The following NKTR variants were observed in gnomAD, a reference collection of about 807,000 sequenced individuals.
NKTR encodes the protein NK-tumor recognition protein.
In NKTR, 67 loss-of-function variants were observed where a neutral mutation model predicts 156.3. The ratio of observed to expected loss-of-function variants is 0.43; its 90% CI spans 0.35 to 0.53. The LOEUF is 0.53. Ranked by LOEUF, NKTR falls within the 20% of genes least tolerant of loss-of-function variation. NKTR has a pLI of 0.01. For synonymous variants in NKTR, 640 were observed against 596.6 expected, an observed-to-expected ratio of 1.07 and a Z score of -1.06; for missense variants, 1,604 against 1,730.9, an observed-to-expected ratio of 0.93 and a Z score of 1.30.
Position 42,639,486 on chromosome 3 carries a change from G to T in NKTR, c.3782G>T (p.Gly1261Val). ...ACTGTGCCTGAAATGAAACCACAAG[G>T]CTTGAGAATAGAAATTAAAAGCAAA... The part of the protein sequence containing the change: ...LTTVPEMKPQ[G>V]LRIEIKSKNK... Residue 1261 changes from glycine (G) to valine (V), a missense_variant, in exon 13 of 17, where the codon GGC becomes GTC. This residue lies in a region of NKTR where 18 missense variants were observed against 41.9 expected (regional missense o/e 0.43). Transcript: ENST00000232978. 1 of 1,614,192 alleles carries T rather than the reference G, an allele frequency of 6.2e-7. No homozygotes were observed. The highest frequency in any genetic ancestry group is 8.5e-7 in the Non-Finnish European group (1 of 1,180,026).
intron 13 of NKTR, 87 bp downstream of exon 13, chr3:42,639,837 A>G: frequency 1.1e-6 from 1 of 925,152 alleles, no homozygotes. Context: ...GGACAGAATC[A>G]CTATTTCCAA....
At chr3:42,604,145 T>G (rs1353247981) in intron 2 of NKTR, among the ~76,000 whole-genome samples, 1 of 152,224 alleles carries the variant, frequency 6.6e-6, no homozygotes, top group East Asian at 1.9e-4. Flanking sequence ...TGTAGTGGTG[T>G]CTCTTTTCAT....
chr3:42,606,890 T>C (rs1706290624), intron 2 of NKTR, among the ~76,000 whole-genome samples: 1 of 151,926 alleles, frequency 6.6e-6, no homozygotes, highest in South Asian at 2.1e-4. Flanking sequence ...AGACAGAGTA[T>C]CACTGCGTTG....
chr3:42,637,101 A>G lies in NKTR; in HGVS notation c.1397A>G (p.Glu466Gly), dbSNP rs1243987615. ...AGGATTCTTATACCGTCTGACATAG[A>G]ATCCTCAAAATCTTCCACTCGAAGA... ...KRRILIPSDI[E>G]SSKSSTRRMK... Residue 466 changes from glutamate to glycine, a missense_variant, in exon 13 of 17, where the codon GAA (glutamate) becomes GGA (glycine). Transcript: ENST00000232978. 6.2e-7 allele frequency: 1 copy of G among 1,606,944 alleles called. No individual in the cohort carries two copies. Among genetic ancestry groups the G allele is most frequent in the South Asian group, 1.1e-5 (1 of 89,652 alleles).
Position 42,646,266 on chromosome 3 carries a change from T to C in NKTR, c.*291T>C. 3.4e-6 allele frequency: 1 copy of C among 297,526 alleles called. No individual in the cohort carries two copies. The highest frequency in any genetic ancestry group is 4.2e-5 in the South Asian group (1 of 23,612). The allele number at this position is 297,526 out of a possible 1,614,324, so 18.4% of individuals were successfully genotyped here. On this transcript the variant is annotated 3_prime_UTR_variant, in exon 17 of 17. Coordinates refer to ENST00000232978, the MANE Select transcript of NKTR (RefSeq NM_005385.4). ...CTATGTATAATTTGCAATATTATTT[T>C]AAGTCTATTTCACTCTATCTTACGT... is the stretch of plus-strand genomic sequence containing the variant.
At chr3:42,622,197 C>T (rs951996893) in intron 6 of NKTR, among the ~76,000 whole-genome samples, 1 of 152,004 alleles carries the variant, frequency 6.6e-6, no homozygotes, top group Non-Finnish European at 1.5e-5. Context: ...CATTGCACAA[C>T]CAAAAACTTA....
At position 42,639,162 on chromosome 3, in the gene NKTR, T is replaced by G. The variant is rs754731447; in HGVS notation, c.3458T>G (p.Leu1153Arg). 3 of 1,614,070 alleles carry G rather than the reference T, an allele frequency of 1.9e-6. No homozygotes were observed. The African/African-American group carries it at 4.0e-5, about 22-fold the overall frequency. The change falls in exon 13 of 17, where the codon CTT becomes CGT. Residue 1153 changes from leucine to arginine, a missense_variant. Around this residue, in one of 6 missense-constraint regions of NKTR, gnomAD observed 1,255 missense variants for 1,243.7 expected, o/e 1.01. Transcript: ENST00000232978. Reference sequence around the variant, plus strand: ...ACTTCCCCTCTAGGAAATGCACGGCTTGATACCCCAGATATAAACATTGTT... The same window carrying G: ...ACTTCCCCTCTAGGAAATGCACGGCGTGATACCCCAGATATAAACATTGTT... ...EETSPLGNAR[L>R]DTPDINIVLK... is the part of the protein sequence containing the mutation.
At chr3:42,629,165 T>C in intron 6 of NKTR, 1 of 984,606 alleles carries the variant, frequency 1.0e-6, no homozygotes, top group Non-Finnish European at 1.2e-6. Context: ...TTCTGGATGC[T>C]AGTTTAATGA....
rs376762349 is a variant in NKTR at position 42,647,267 on chromosome 3, A to ATGTGTGT, written c.*1292_*1293insTGTGTGT. 2 of 102,974 alleles carry ATGTGTGT rather than the reference A, an allele frequency of 1.9e-5. No individual in the cohort carries two copies. Among genetic ancestry groups the ATGTGTGT allele is most frequent in the Admixed American group, 9.9e-5 (1 of 10,130 alleles). 6.4% of individuals were successfully genotyped at this position (102,974 alleles called of 1,614,324 possible). ...AAAAATAATTGGACCTGTAAAAACT[A>ATGTGTGT]GTGTGTGTGTGTGTGTGTGTGTGTG... is the stretch of plus-strand genomic sequence containing the variant. On this transcript the variant is annotated 3_prime_UTR_variant, in exon 17 of 17. Transcript: ENST00000232978.
chr3:42,630,677 TG>T, intron 7 of NKTR, 102 bp downstream of exon 7: 6 of 1,547,924 alleles, frequency 3.9e-6, no homozygotes, highest in Non-Finnish European at 5.2e-6. Context: ...TCTTGATGTC[TG>T]GCTTAATCTC....
chr3:42,632,670 C>A lies in NKTR; in HGVS notation c.620C>A (p.Ser207Tyr), dbSNP rs138825835. 89 of 1,613,834 alleles carry A rather than the reference C, an allele frequency of 5.5e-5. No individual in the cohort carries two copies. The highest frequency in any genetic ancestry group is 7.4e-5 in the Non-Finnish European group (87 of 1,179,892). Residue 207 changes from serine (S) to tyrosine (Y), a missense_variant, in exon 9 of 17, where the codon TCT (serine) becomes TAT (tyrosine). Ser to Tyr is a moderately radical substitution (Grantham distance 144). Transcript: ENST00000232978. ...GATTCCTCTTCCAATTCCTCCTCTT[C>A]TTCAGAATCATCTTCAGAAAGTGAA... is the stretch of plus-strand genomic sequence containing the variant. ...GSDSSSNSSSSSESSSESELE... is the reference protein window; with the variant it reads ...GSDSSSNSSSYSESSSESELE...
chr3:42,619,282 T>C, intron 4 of NKTR, 155 bp downstream of exon 4: 2 of 1,432,792 alleles, frequency 1.4e-6, no homozygotes, highest in South Asian at 3.2e-5. Flanking sequence ...AGGTCCAGAA[T>C]GTATGAAAAA....
In NKTR at chr3:42,605,229, C is replaced by G. The variant is rs148728660; in HGVS notation, c.58+4165C>G. Among the ~76,000 whole-genome samples, 35 of 152,254 alleles carry G rather than the reference C, an allele frequency of 2.3e-4. No homozygotes were observed. The East Asian group carries it at 6.6e-3, about 28-fold the overall frequency. ...TCATTTTCAATCCTTTTACTTTTAACCTTTCTGTATAATATTTAAAGTGGA... is the reference window on the plus strand; with the variant it reads ...TCATTTTCAATCCTTTTACTTTTAAGCTTTCTGTATAATATTTAAAGTGGA... On this transcript the variant is annotated intron_variant, in intron 2 of 16. Transcript: ENST00000232978.
chr3:42,601,897 T>A (rs1705521936), intron 2 of NKTR: 1 of 152,232 alleles, frequency 6.6e-6, no homozygotes, highest in Non-Finnish European at 1.5e-5. Context: ...CAAAGGCCTC[T>A]TCCTTTTATA....
chr3:42,637,671 A>T lies in NKTR; in HGVS notation c.1967A>T (p.Lys656Ile), dbSNP rs1045292200. 9.9e-6 allele frequency: 16 copies of T among 1,613,488 alleles called. No individual in the cohort carries two copies. The highest frequency in any genetic ancestry group is 1.3e-5 in the Non-Finnish European group (15 of 1,179,912). The change falls in exon 13 of 17, where the codon AAA becomes ATA. Residue 656 changes from lysine (K) to isoleucine (I), a missense_variant. Physicochemically the swap from Lys to Ile is moderately radical, Grantham distance 102 (BLOSUM62 -3). Coordinates refer to ENST00000232978, the MANE Select transcript of NKTR (RefSeq NM_005385.4). ...AGCACTTACAGTTTAGCAAATATTA[A>T]AGAGACTGGTAGCTCATCATCCTAC... ...IQSTYSLANI[K>I]ETGSSSSYHK...
At position 42,619,045 on chromosome 3, in the gene NKTR, T is replaced by A. The variant is rs768124546; in HGVS notation, c.159T>A (p.Thr53=). The change falls in exon 4 of 17, where the codon ACT becomes ACA. Residue 53 remains threonine, a synonymous_variant. Transcript: ENST00000232978. Reference sequence around the variant, plus strand: ...GAGAGAAAGGCCTTGGGAAAACAACTGGGAAGAAGTTATGTTATAAAGGTT... The same window carrying A: ...GAGAGAAAGGCCTTGGGAAAACAACAGGGAAGAAGTTATGTTATAAAGGTT... The part of the protein sequence containing the change: ...CSGEKGLGKT[T]GKKLCYKGST... The A allele has an allele frequency of 6.9e-6, 11 of 1,596,070 alleles. No individual in the cohort carries two copies. Among genetic ancestry groups the A allele is most frequent in the Non-Finnish European group, 9.4e-6 (11 of 1,172,184 alleles).
intron 1 of NKTR, 44 bp downstream of exon 1, chr3:42,600,822 G>C (rs1705316291): frequency 2.4e-6 from 1 of 413,958 alleles, no homozygotes; most frequent in Non-Finnish European, 4.3e-6. Flanking sequence ...TGGGAGCCGC[G>C]AGGCCCGGGG....
chr3:42,635,169 A>C (rs570392142), intron 11 of NKTR, 52 bp from the exon 12 acceptor site: 1 of 1,473,614 alleles, frequency 6.8e-7, no homozygotes, highest in Non-Finnish European at 9.2e-7. Flanking sequence ...GTCACATAGC[A>C]GACTGTCGTG....
intron 5 of NKTR, 171 bp downstream of exon 5, chr3:42,619,879 A>G: frequency 7.1e-7 from 1 of 1,412,854 alleles, no homozygotes; most frequent in Non-Finnish European, 9.2e-7. Context: ...ATTGTAATAT[A>G]TAATTTTTAA....
Sources: gnomAD v4.1 joint callset for allele counts (sites outside exome capture counted in the v4.1 genomes callset) on GRCh38, gnomAD v4.1.1 for gene constraint, gnomAD v4.1.1 regional missense constraint, MANE v1.5 for transcripts, NCBI Gene and HGNC (gene_info 2026-07-23, HGNC 2026-07-21) for gene names.